The following ADAMTS20 variants were observed in gnomAD, a reference collection of about 807,000 sequenced individuals.
ADAMTS20 encodes the protein ADAM metallopeptidase with thrombospondin type 1 motif 20.
Under a neutral mutation model 260.1 loss-of-function variants are expected in ADAMTS20, and 225 were observed. That is an observed-to-expected ratio of 0.87 (90% CI 0.78 to 0.97). ADAMTS20 has a LOEUF of 0.97. ADAMTS20 is among the 50% of genes least tolerant of loss of function. ADAMTS20 has a pLI of 0.00. For synonymous variants in ADAMTS20, 802 were observed against 769.5 expected (o/e 1.04, Z -0.70); for missense variants, 2,400 against 2,337.7 (o/e 1.03, Z -0.55).
chr12:43,514,789 A>G (rs1399993733), intron 3 of ADAMTS20, among the ~76,000 whole-genome samples: 1 of 152,126 alleles, frequency 6.6e-6, no homozygotes, highest in African/African-American at 2.4e-5. Flanking sequence ...TGAATTAAAT[A>G]TATACTCTAG....
chr12:43,355,209 TAC>T (rs1255517099), intron 38 of ADAMTS20, among the ~76,000 whole-genome samples: 2 of 152,206 alleles, frequency 1.3e-5, no homozygotes, highest in Admixed American at 6.5e-5. Flanking sequence ...AGAATCTGAG[TAC>T]ACAGAGAAGG....
At chr12:43,493,278 TA>T in intron 4 of ADAMTS20, 25 bp from the exon 5 acceptor site, 2 of 1,462,592 alleles carry the variant, frequency 1.4e-6, no homozygotes, top group Non-Finnish European at 1.9e-6. Flanking sequence ...AATGTAGGAT[TA>T]GTTGTTTAAA....
At chr12:43,549,256 A>G (rs1565590515) in intron 2 of ADAMTS20, among the ~76,000 whole-genome samples, 1 of 151,826 alleles carries the variant, frequency 6.6e-6, no homozygotes, top group Non-Finnish European at 1.5e-5. Flanking sequence ...TAAAAATATT[A>G]ATATTAATTT....
intron 6 of ADAMTS20, among the ~76,000 whole-genome samples, chr12:43,491,336 T>A (rs1464356515): frequency 6.6e-6 from 1 of 152,174 alleles, no homozygotes; most frequent in African/African-American, 2.4e-5. Context: ...TACACTCTAT[T>A]ATGTTTGCAT....
Position 43,468,724 on chromosome 12 carries a change from G to C in ADAMTS20, c.1118-19C>G, listed in dbSNP as rs777511429. 1 of 1,400,674 alleles carries C rather than the reference G, an allele frequency of 7.1e-7. No individual in the cohort carries two copies. The highest frequency in any genetic ancestry group is 9.9e-7 in the Non-Finnish European group (1 of 1,007,226). The allele number at this position is 1,400,674 out of a possible 1,614,324, so 86.8% of individuals were successfully genotyped here. On this transcript the variant is annotated intron_variant, in intron 7 of 38. Coordinates refer to ENST00000389420, the MANE Select transcript of ADAMTS20 (RefSeq NM_025003.5). ...GATAAACCTGAAAAATTTCACATTT[G>C]TATTTCATCAAAATGGAAAACACTA...
chr12:43,365,299 C>T lies in ADAMTS20; in HGVS notation c.5538+3991G>A, dbSNP rs79124002. Among the ~76,000 whole-genome samples the T allele has an allele frequency of 9.1e-3, 1,377 of 152,080 alleles. 18 individuals are homozygous for T. Among genetic ancestry groups the T allele is most frequent in the African/African-American group, 0.031 (1,299 of 41,522 alleles). On this transcript the variant is annotated intron_variant, in intron 37 of 38. Transcript: ENST00000389420. ...AATCAAGTAACATCAGACATTAATA[C>T]AAATCAACTTAAAAAATCAAGAGTG... is the stretch of plus-strand genomic sequence containing the variant.
chr12:43,452,025 G>T (rs74909692), intron 14 of ADAMTS20, among the ~76,000 whole-genome samples: 4,999 of 151,936 alleles, frequency 0.033, 147 homozygotes, highest in East Asian at 0.11. Flanking sequence ...TTTTGATTAT[G>T]AGTACAATAG....
At chr12:43,504,735 G>A (rs947693261) in intron 3 of ADAMTS20, among the ~76,000 whole-genome samples, 2 of 152,056 alleles carry the variant, frequency 1.3e-5, no homozygotes, top group Non-Finnish European at 2.9e-5. Flanking sequence ...CACTCTAGTT[G>A]AAAGAGGCAA....
chr12:43,474,436 G>C (rs373122508), intron 7 of ADAMTS20, among the ~76,000 whole-genome samples: 1 of 150,864 alleles, frequency 6.6e-6, no homozygotes, highest in South Asian at 2.1e-4. Context: ...ACCATTCCTT[G>C]TGAAACTATT....
intron 28 of ADAMTS20, among the ~76,000 whole-genome samples, chr12:43,405,247 A>G (rs1011957302): frequency 1.4e-5 from 2 of 144,304 alleles, no homozygotes; most frequent in African/African-American, 5.1e-5. Context: ...AAAAAAAAAA[A>G]AAAAAAAAAA....
intron 7 of ADAMTS20, among the ~76,000 whole-genome samples, chr12:43,479,907 TGAATTGACCTATTAAAAAAGA>T (rs1942416150): frequency 6.6e-6 from 1 of 152,002 alleles, no homozygotes; most frequent in Admixed American, 6.6e-5. Flanking sequence ...AATATTTCAG[TGAATTGACCTATTAAAAAAGA>T]GAGGCACAAA....
At chr12:43,375,229 T>C (rs1940197192) in intron 36 of ADAMTS20, 150 bp downstream of exon 36, 2 of 652,266 alleles carry the variant, frequency 3.1e-6, no homozygotes, top group South Asian at 2.6e-5. Flanking sequence ...AGAGGAAGTA[T>C]GTAGCTAACT....
chr12:43,431,123 A>G (rs961241212), intron 22 of ADAMTS20, among the ~76,000 whole-genome samples: 3 of 152,246 alleles, frequency 2.0e-5, no homozygotes, highest in Non-Finnish European at 4.4e-5. Flanking sequence ...AAGGGAATTT[A>G]AAAGCAAAGC....
rs997514158 is a variant in ADAMTS20 at position 43,501,306 on chromosome 12, C to T, written c.867+846G>A. On this transcript the variant is annotated intron_variant, in intron 4 of 38. Coordinates refer to ENST00000389420, the MANE Select transcript of ADAMTS20 (RefSeq NM_025003.5). ...AACTTCCGACCTCAGGTGATCCTCC[C>T]GCCTCAGCCTCCCAAAGTGCTGGGA... Among the ~76,000 whole-genome samples the T allele has an allele frequency of 4.6e-5, 7 of 151,682 alleles. No individual in the cohort carries two copies. The South Asian group carries it at 1.0e-3, about 23-fold the overall frequency.
intron 29 of ADAMTS20, among the ~76,000 whole-genome samples, chr12:43,386,755 CCTTT>C (rs1940487418): frequency 6.6e-6 from 1 of 152,136 alleles, no homozygotes; most frequent in South Asian, 2.1e-4. Flanking sequence ...TTTCTGATAT[CCTTT>C]CTTCTGCTTC....
At chr12:43,387,809 C>T (rs1057430664) in intron 29 of ADAMTS20, among the ~76,000 whole-genome samples, 27 of 152,138 alleles carry the variant, frequency 1.8e-4, no homozygotes, top group African/African-American at 6.5e-4. Flanking sequence ...TTTGAACTTC[C>T]CTGTGGCTTT....
chr12:43,544,443 A>G (rs1458339148), intron 2 of ADAMTS20, among the ~76,000 whole-genome samples: 1 of 152,202 alleles, frequency 6.6e-6, no homozygotes, highest in Non-Finnish European at 1.5e-5. Flanking sequence ...TATGACTATC[A>G]TTTCTACCTT....
intron 3 of ADAMTS20, among the ~76,000 whole-genome samples, chr12:43,523,778 G>T (rs932889332): frequency 6.6e-6 from 1 of 151,976 alleles, no homozygotes; most frequent in Non-Finnish European, 1.5e-5. Context: ...ACCCCCAGAG[G>T]GGTTGTTCCT....
At chr12:43,431,241 G>T in intron 22 of ADAMTS20, 91 bp downstream of exon 22, 2 of 1,330,230 alleles carry the variant, frequency 1.5e-6, no homozygotes, top group Non-Finnish European at 2.0e-6. Context: ...AAATTCCATT[G>T]CATCCACTAA....
Sources: allele counts gnomAD v4.1 joint callset (sites outside exome capture counted in the v4.1 genomes callset), GRCh38; gene constraint gnomAD v4.1.1; transcripts MANE v1.5; gene names NCBI Gene and HGNC (gene_info 2026-07-23, HGNC 2026-07-21).